VPS13D: variants seen among roughly 807,000 people sequenced by gnomAD.
VPS13D encodes the protein vacuolar protein sorting 13 homolog D.
A neutral mutation model predicts 461.9 loss-of-function variants in VPS13D; 187 were observed. That is an observed-to-expected ratio of 0.40 (90% CI 0.36 to 0.46). The LOEUF (loss-of-function observed/expected upper bound fraction) is 0.46, where lower values mean the gene tolerates loss of function less well. VPS13D is among the 20% of genes least tolerant of loss of function. The pLI is 0.60. For missense variants in VPS13D, 4,711 were observed against 5,364.9 expected, an observed-to-expected ratio of 0.88 and a Z score of 3.81; for synonymous variants, 1,951 against 1,986.3, an observed-to-expected ratio of 0.98 and a Z score of 0.47.
intron 21 of VPS13D, 81 bp from the exon 22 acceptor site, chr1:12,288,142 C>A: frequency 8.2e-7 from 1 of 1,226,364 alleles, no homozygotes; most frequent in Non-Finnish European, 1.2e-6. Flanking sequence ...TTTGCATTTT[C>A]CTTGATTGCT....
chr1:12,255,145 C>T (rs1640875567), intron 7 of VPS13D, among the ~76,000 whole-genome samples: 2 of 151,972 alleles, frequency 1.3e-5, no homozygotes, highest in Admixed American at 1.3e-4. Context: ...GAGGTTTCGC[C>T]ATGTTGGCCA....
rs116614345 is a variant in VPS13D at position 12,493,846 on chromosome 1, A to G, written c.12663-3654A>G. ...CAGTGACTTCAAATACTCTCCCCCTACCCACAGCCTACCAACTTGGACCTG... is the reference window on the plus strand; with the variant it reads ...CAGTGACTTCAAATACTCTCCCCCTGCCCACAGCCTACCAACTTGGACCTG... On this transcript the variant is annotated intron_variant, in intron 67 of 69. Transcript: ENST00000620676. Among the ~76,000 whole-genome samples, 951 of 152,302 alleles carry G rather than the reference A, an allele frequency of 6.2e-3. 12 individuals carry two copies. Among genetic ancestry groups the G allele is most frequent in the African/African-American group, 0.021 (859 of 41,572 alleles).
chr1:12,252,714 G>T (rs1393099603), intron 6 of VPS13D, among the ~76,000 whole-genome samples: 1 of 150,588 alleles, frequency 6.6e-6, no homozygotes. Context: ...GAAGGTTGCA[G>T]TGAGCTGAGA....
rs1314304285 is a variant in VPS13D, at chr1:12,261,948, A to G, written c.1462A>G (p.Thr488Ala). ...CACTGCAGATGCCTCGTGTATGAAC[A>G]CGTATACAAAGCGAGATCATGTCTT... Reference protein sequence around the residue: ...DPTADASCMNTYTKRDHVFAK... With the variant: ...DPTADASCMNAYTKRDHVFAK... Residue 488 changes from threonine (T) to alanine (A), a missense_variant, in exon 13 of 70, where the codon ACG becomes GCG. By Grantham distance (58) the Thr-to-Ala change is moderately conservative (BLOSUM62 0). This residue lies in a region of VPS13D where 4,411 missense variants were observed against 4,937.8 expected (regional missense o/e 0.89). Transcript: ENST00000620676. The G allele has an allele frequency of 2.5e-6, 4 of 1,614,162 alleles. No individual in the cohort carries two copies. Among genetic ancestry groups the G allele is most frequent in the Middle Eastern group, 1.6e-4 (1 of 6,062 alleles).
Position 12,416,698 on chromosome 1 carries a change from G to T in VPS13D, c.12204G>T (p.Val4068=). The T allele has an allele frequency of 1.2e-6, 2 of 1,614,016 alleles. No individual in the cohort carries two copies. Among genetic ancestry groups the T allele is most frequent in the Non-Finnish European group, 8.5e-7 (1 of 1,179,968 alleles). Residue 4068 remains valine, a synonymous_variant, in exon 65 of 70, where the codon GTG becomes GTT. Coordinates refer to ENST00000620676, the MANE Select transcript of VPS13D (RefSeq NM_015378.4). Reference sequence around the variant, plus strand: ...AGGCAGCTCGAATCCTGGGATCAGTGGATTTTCTTGGCAATCCTATGGGGC... The same window carrying T: ...AGGCAGCTCGAATCCTGGGATCAGTTGATTTTCTTGGCAATCCTATGGGGC... ...LSQAARILGS[V]DFLGNPMGLL...
Position 12,338,260 on chromosome 1 carries a change from A to C in VPS13D, c.8581A>C (p.Ser2861Arg), listed in dbSNP as rs754237169. 5.6e-6 allele frequency: 9 copies of C among 1,613,630 alleles called. No homozygotes were observed. The highest frequency in any genetic ancestry group is 5.0e-5 in the Admixed American group (3 of 60,004). ...CCCCCTTGTCTACCTTAGAACTAGG[A>C]GTACAGCCAGTCTGACTAACCTAGA... Reference protein sequence around the residue: ...SLPLVYLRTRSTASLTNLEHQ... With the variant: ...SLPLVYLRTRRTASLTNLEHQ... Residue 2861 changes from serine to arginine, a missense_variant, in exon 40 of 70, where the codon AGT becomes CGT. By Grantham distance (110) the Ser-to-Arg change is moderately radical. Transcript: ENST00000620676.
intron 65 of VPS13D, among the ~76,000 whole-genome samples, chr1:12,454,555 T>G (rs1328173353): frequency 6.6e-6 from 1 of 152,230 alleles, no homozygotes; most frequent in Non-Finnish European, 1.5e-5. Flanking sequence ...TTCCCATAGC[T>G]TCTTCCAGGA....
intron 68 of VPS13D, 24 bp downstream of exon 68, chr1:12,497,655 G>A: frequency 1.9e-6 from 3 of 1,604,386 alleles, no homozygotes; most frequent in Non-Finnish European, 2.6e-6. Flanking sequence ...TGGGAAACCA[G>A]CCCTGTGGGT....
At chr1:12,274,600 C>T (rs981285369) in intron 18 of VPS13D, among the ~76,000 whole-genome samples, 5 of 152,186 alleles carry the variant, frequency 3.3e-5, no homozygotes, top group Admixed American at 6.5e-5. Context: ...GTGTGAGCCA[C>T]GATGCCCAGC....
intron 63 of VPS13D, 97 bp downstream of exon 63, chr1:12,404,070 C>CT (rs575397720): frequency 6.9e-3 from 5,979 of 862,950 alleles, no homozygotes; most frequent in South Asian, 7.7e-3. Flanking sequence ...TGTGTGTGTG[C>CT]TTTTTTTTTT....
In VPS13D at chr1:12,257,844, G is replaced by A. The variant is rs1640968726; in HGVS notation, c.942-91G>A. The stretch of plus-strand genomic sequence containing the variant: ...TGACAAGAGAAAAGATGTCTCAGGA[G>A]AGGAGTGGGGTTATGTGGATTGTCC... On this transcript the variant is annotated intron_variant, in intron 9 of 69. Coordinates refer to ENST00000620676, the MANE Select transcript of VPS13D (RefSeq NM_015378.4). The A allele has an allele frequency of 2.1e-6, 3 of 1,433,998 alleles. No individual in the cohort carries two copies. The East Asian group carries it at 6.9e-5, about 33-fold the overall frequency. The allele number at this position is 1,433,998 out of a possible 1,614,324, so 88.8% of individuals were successfully genotyped here. A position where few individuals can be genotyped will look rare whatever the true frequency, so the allele number is the denominator to read the frequency against.
At chr1:12,436,125 G>A (rs890046098) in intron 65 of VPS13D, among the ~76,000 whole-genome samples, 1 of 152,212 alleles carries the variant, frequency 6.6e-6, no homozygotes, top group Non-Finnish European at 1.5e-5. Flanking sequence ...ACAAAACAAA[G>A]CCCTCTCCCC....
intron 25 of VPS13D, 139 bp from the exon 26 acceptor site, chr1:12,304,367 G>A (rs1485773275): frequency 1.4e-6 from 1 of 724,152 alleles, no homozygotes; most frequent in Non-Finnish European, 2.2e-6. Context: ...GGGAGGCTGA[G>A]GGAAGTATAA....
chr1:12,396,878 G>A (rs1240890550), intron 60 of VPS13D, among the ~76,000 whole-genome samples: 1 of 152,048 alleles, frequency 6.6e-6, no homozygotes, highest in African/African-American at 2.4e-5. Flanking sequence ...GGAACCATTT[G>A]CTGTTCATTA....
At chr1:12,240,380 A>G (rs1640306324) in intron 2 of VPS13D, among the ~76,000 whole-genome samples, 1 of 152,016 alleles carries the variant, frequency 6.6e-6, no homozygotes, top group Non-Finnish European at 1.5e-5. Flanking sequence ...GGATCACTTG[A>G]GGTCAGGAGT....
At chr1:12,326,659 T>G (rs1643197500) in intron 35 of VPS13D, among the ~76,000 whole-genome samples, 1 of 151,960 alleles carries the variant, frequency 6.6e-6, no homozygotes, top group Admixed American at 6.6e-5. Flanking sequence ...TTTTTTTTTT[T>G]TGAGGCAGAG....
At position 12,416,769 on chromosome 1, in the gene VPS13D, G is replaced by A; in HGVS notation, c.12275G>A (p.Gly4092Glu). ...SEGVTGLIKY[G>E]NVGGLIRNVT... ...GGGGTTACTGGACTGATAAAATATG[G>A]AAATGTCGGGGGCCTCATCAGAAAT... Residue 4092 changes from glycine (G) to glutamate (E), a missense_variant, in exon 65 of 70, where the codon GGA becomes GAA. Gly to Glu is a moderately conservative substitution (Grantham distance 98). Transcript: ENST00000620676. The A allele has an allele frequency of 6.2e-7, 1 of 1,614,012 alleles. No homozygotes were observed.
chr1:12,473,593 G>A lies in VPS13D; in HGVS notation c.12662+13197G>A, dbSNP rs1224653303. Among the ~76,000 whole-genome samples, 10 of 152,172 alleles carry A rather than the reference G, an allele frequency of 6.6e-5. No homozygotes were observed. Among genetic ancestry groups the A allele is most frequent in the Non-Finnish European group, 1.5e-4 (10 of 68,028 alleles). ...GGTTACGTGGATTAAATTATATCAT[G>A]TATATAAAGCACTCAGCCTGGCATG... On this transcript the variant is annotated intron_variant, in intron 67 of 69. Transcript: ENST00000620676. The surrounding 1 kb of genome is among the most constrained non-coding windows in gnomAD (Gnocchi z 4.2).
chr1:12,271,158 T>G, intron 17 of VPS13D, 34 bp downstream of exon 17: 1 of 1,612,720 alleles, frequency 6.2e-7, no homozygotes, highest in Non-Finnish European at 8.5e-7. Flanking sequence ...CTTTGGGGAT[T>G]GGGGAAGGGG....
Sources: allele counts gnomAD v4.1 joint callset (sites outside exome capture counted in the v4.1 genomes callset), GRCh38; gene constraint gnomAD v4.1.1; regional missense constraint gnomAD v4.1.1; non-coding constraint Gnocchi (gnomAD v3.1); transcripts MANE v1.5; gene names NCBI Gene and HGNC (gene_info 2026-07-23, HGNC 2026-07-21).